Variants in ADAMTSL3 observed in about 807,000 individuals in gnomAD.
ADAMTSL3 encodes the protein ADAMTS-like protein 3.
ADAMTSL3 carries 128 observed loss-of-function variants against 201.7 expected under a neutral mutation model. The ratio of observed to expected loss-of-function variants is 0.63; its 90% CI spans 0.55 to 0.73. The LOEUF (loss-of-function observed/expected upper bound fraction) is 0.73. Among genes scored for constraint, ADAMTSL3 ranks in the 30% least tolerant of loss-of-function variants. ADAMTSL3 has a pLI of 0.00. For missense variants in ADAMTSL3, 1,990 were observed against 2,119.6 expected (o/e 0.94, Z 1.20); for synonymous variants, 738 against 748.4 (o/e 0.99, Z 0.23).
intron 23 of ADAMTSL3, among the ~76,000 whole-genome samples, chr15:84,002,151 T>C (rs1458898461): frequency 6.6e-6 from 1 of 152,238 alleles, no homozygotes; most frequent in African/African-American, 2.4e-5. Context: ...CATGGGCCTG[T>C]ATACAATCAA....
chr15:83,655,158 T>C (rs938189204), intron 1 of ADAMTSL3, among the ~76,000 whole-genome samples: 3 of 152,182 alleles, frequency 2.0e-5, no homozygotes, highest in Non-Finnish European at 4.4e-5. Context: ...AGGGGCTGTG[T>C]CCTCCAAACC....
intron 23 of ADAMTSL3, among the ~76,000 whole-genome samples, chr15:84,000,261 C>G (rs954869336): frequency 6.6e-6 from 1 of 152,156 alleles, no homozygotes; most frequent in Admixed American, 6.5e-5. Context: ...TATATCCTCT[C>G]TTCTATACTG....
At chr15:83,813,435 C>T (rs954127089) in intron 5 of ADAMTSL3, among the ~76,000 whole-genome samples, 2 of 152,184 alleles carry the variant, frequency 1.3e-5, no homozygotes, top group East Asian at 1.9e-4. Context: ...AATTCAGTCA[C>T]TCAAGAAAAG....
intron 4 of ADAMTSL3, among the ~76,000 whole-genome samples, chr15:83,787,019 G>A (rs560413945): frequency 1.2e-4 from 18 of 152,168 alleles, no homozygotes; most frequent in Admixed American, 2.0e-4. Flanking sequence ...GCTCACTATC[G>A]CCTTGCATCT....
At chr15:83,864,713 A>T (rs1447265664) in intron 8 of ADAMTSL3, among the ~76,000 whole-genome samples, 3 of 152,220 alleles carry the variant, frequency 2.0e-5, no homozygotes, top group Non-Finnish European at 4.4e-5. Context: ...CAAGACAGAG[A>T]TGCCCTCTCT....
intron 23 of ADAMTSL3, among the ~76,000 whole-genome samples, chr15:84,006,232 A>G (rs972174547): frequency 6.6e-6 from 1 of 152,182 alleles, no homozygotes; most frequent in Non-Finnish European, 1.5e-5. Context: ...TTTGCCTTTT[A>G]TAAATTGGCA....
intron 2 of ADAMTSL3, among the ~76,000 whole-genome samples, chr15:83,699,613 G>T (rs569989009): frequency 7.2e-5 from 11 of 152,180 alleles, no homozygotes; most frequent in African/African-American, 2.4e-4. Context: ...ATTGTTCTCC[G>T]TCTCCTTACC....
At chr15:83,885,038 G>A (rs2065358822) in intron 9 of ADAMTSL3, 63 bp from the exon 10 acceptor site, 9 of 1,061,006 alleles carry the variant, frequency 8.5e-6, no homozygotes, top group Non-Finnish European at 1.3e-5. Context: ...ATCTTATTTT[G>A]AAAGGTGTGG....
At chr15:83,965,507 A>G (rs921105857) in intron 19 of ADAMTSL3, among the ~76,000 whole-genome samples, 5 of 152,348 alleles carry the variant, frequency 3.3e-5, no homozygotes, top group Admixed American at 3.3e-4. Flanking sequence ...ACATGCACCC[A>G]ATACAGGAGC....
Position 83,754,899 on chromosome 15 carries a change from A to G in ADAMTSL3, c.190-18624A>G, listed in dbSNP as rs74702795. On this transcript the variant is annotated intron_variant, in intron 3 of 29. Transcript: ENST00000286744. The stretch of plus-strand genomic sequence containing the variant: ...TGGCGTTACTATGTTTTAAAATTTC[A>G]TATTTAAATTTTAGTCAATGGTACT... 7.0e-3 allele frequency among the ~76,000 whole-genome samples: 1,066 copies of G among 152,300 alleles called. 14 individuals are homozygous for G. The highest frequency in any genetic ancestry group is 0.024 in the African/African-American group (988 of 41,552).
At chr15:83,718,223 A>G (rs982540939) in intron 3 of ADAMTSL3, among the ~76,000 whole-genome samples, 9 of 152,298 alleles carry the variant, frequency 5.9e-5, no homozygotes, top group African/African-American at 1.4e-4. Context: ...TCTCAACACC[A>G]TATCCCATTT....
At chr15:83,819,020 C>T (rs2063812496) in intron 5 of ADAMTSL3, among the ~76,000 whole-genome samples, 2 of 152,098 alleles carry the variant, frequency 1.3e-5, no homozygotes, top group Non-Finnish European at 2.9e-5. Context: ...CGCCTTTAAT[C>T]CTGGCACTTT....
chr15:83,938,396 T>C (rs1310443422), intron 17 of ADAMTSL3, among the ~76,000 whole-genome samples: 1 of 152,190 alleles, frequency 6.6e-6, no homozygotes, highest in Non-Finnish European at 1.5e-5. Flanking sequence ...CATGGTCAGG[T>C]GTTCCACCAT....
intron 25 of ADAMTSL3, among the ~76,000 whole-genome samples, chr15:84,016,827 A>C (rs779470163): frequency 2.6e-5 from 4 of 152,224 alleles, no homozygotes; most frequent in Non-Finnish European, 5.9e-5. Context: ...ATAGTCTGCT[A>C]TGAGTATTGG....
At chr15:83,911,016 A>G (rs2065922779) in intron 15 of ADAMTSL3, among the ~76,000 whole-genome samples, 1 of 152,202 alleles carries the variant, frequency 6.6e-6, no homozygotes. Flanking sequence ...GAATGAAAAT[A>G]TCTACTTCCC....
chr15:83,938,855 C>T (rs1021442316), intron 17 of ADAMTSL3, among the ~76,000 whole-genome samples: 78 of 152,130 alleles, frequency 5.1e-4, no homozygotes, highest in Non-Finnish European at 1.3e-4. Flanking sequence ...CTTTCTTTAA[C>T]TGGTATTGCT....
intron 10 of ADAMTSL3, among the ~76,000 whole-genome samples, chr15:83,889,372 A>G (rs2065460275): frequency 6.6e-6 from 1 of 152,220 alleles, no homozygotes; most frequent in Non-Finnish European, 1.5e-5. Flanking sequence ...CTGTGTATGC[A>G]TATCATAAAA....
chr15:83,687,215 A>T (rs762305393), intron 2 of ADAMTSL3, among the ~76,000 whole-genome samples: 5 of 152,328 alleles, frequency 3.3e-5, no homozygotes, highest in South Asian at 2.1e-4. Flanking sequence ...AAAATAAAAT[A>T]AAATTAAATT....
At chr15:83,972,376 C>G (rs1324254195) in intron 20 of ADAMTSL3, among the ~76,000 whole-genome samples, 2 of 152,120 alleles carry the variant, frequency 1.3e-5, no homozygotes, top group Non-Finnish European at 2.9e-5. Context: ...ATATGGCGTA[C>G]TATCATGCTT....
Sources: allele counts gnomAD v4.1 joint callset (sites outside exome capture counted in the v4.1 genomes callset), GRCh38; gene constraint gnomAD v4.1.1; transcripts MANE v1.5; gene names NCBI Gene and HGNC (gene_info 2026-07-23, HGNC 2026-07-21).